The following DAB1 variants were observed in gnomAD, a reference collection of about 807,000 sequenced individuals.
DAB1 encodes the protein DAB adaptor protein 1.
In DAB1, 15 loss-of-function variants were observed where a neutral mutation model predicts 64.6. The observed-to-expected ratio is 0.23, with a 90% CI of 0.16 to 0.36. DAB1 has a LOEUF of 0.36. DAB1 is among the 10% of genes least tolerant of loss of function. DAB1 has a pLI of 1.00. For missense variants in DAB1, 596 were observed against 706.7 expected, an observed-to-expected ratio of 0.84 and a Z score of 1.78; for synonymous variants, 235 against 251.9, an observed-to-expected ratio of 0.93 and a Z score of 0.64.
Position 57,165,032 on chromosome 1 carries a change from A to T in DAB1, c.68-19603T>A, listed in dbSNP as rs1054006355. On this transcript the variant is annotated intron_variant, in intron 2 of 14. Coordinates refer to ENST00000371236, the MANE Select transcript of DAB1 (RefSeq NM_001365792.1). ...CCCCAGGGACCCTTGGTTTACCCTA[A>T]TTCTCCCTCCTTAGCTTTCCAACTG... Among the ~76,000 whole-genome samples the T allele has an allele frequency of 2.0e-5, 3 of 152,148 alleles. No individual in the cohort carries two copies. In the East Asian group the frequency reaches 5.8e-4, roughly 29 times the overall value.
chr1:58,225,170 G>A (rs902793862), intron 4 of DAB1, among the ~76,000 whole-genome samples: 11 of 151,590 alleles, frequency 7.3e-5, no homozygotes, highest in Admixed American at 2.6e-4. Context: ...CAGACACTTC[G>A]CAAAAGAAGA....
At chr1:57,015,560 G>A (rs1646403039) in intron 11 of DAB1, 129 bp from the exon 12 acceptor site, 2 of 819,294 alleles carry the variant, frequency 2.4e-6, no homozygotes. Context: ...CAGGGACTGG[G>A]GATGCCAAGA....
rs114125494 is a variant in DAB1 at position 58,179,403 on chromosome 1, C to T, written n.310-28815G>A. Among the ~76,000 whole-genome samples, 561 of 152,194 alleles carry T rather than the reference C, an allele frequency of 3.7e-3. 4 individuals carry two copies. The highest frequency in any genetic ancestry group is 0.012 in the African/African-American group (517 of 41,554). ...TTCTATATTTTGGAAGAGTTTGCAA[C>T]GGATTGGCATTAATTCTTTTTTAAA... On this transcript the variant is annotated intron_variant and non_coding_transcript_variant, in intron 4 of 20. Transcript: ENST00000485760.
intron 3 of DAB1, among the ~76,000 whole-genome samples, chr1:58,489,168 C>T (rs868691347): frequency 5.9e-5 from 9 of 152,172 alleles, no homozygotes; most frequent in African/African-American, 1.9e-4. Flanking sequence ...GGAAGTGCAA[C>T]GGGTCAGGGA....
chr1:57,484,898 C>T (rs573836808), intron 7 of DAB1, among the ~76,000 whole-genome samples: 27 of 152,222 alleles, frequency 1.8e-4, no homozygotes, highest in Non-Finnish European at 2.8e-4. Context: ...GCCTCAAAAA[C>T]GTTTTAACAT....
intron 9 of DAB1, among the ~76,000 whole-genome samples, chr1:57,047,462 T>C (rs1648656002): frequency 6.6e-6 from 1 of 152,078 alleles, no homozygotes; most frequent in Non-Finnish European, 1.5e-5. Context: ...AGTGGCCTTA[T>C]AAGAAGGGGA....
chr1:57,472,082 A>T (rs1189225168), intron 7 of DAB1, among the ~76,000 whole-genome samples: 5 of 152,260 alleles, frequency 3.3e-5, no homozygotes, highest in Non-Finnish European at 5.9e-5. Flanking sequence ...AATGAGAAAA[A>T]TAAAGCTCAG....
intron 4 of DAB1, among the ~76,000 whole-genome samples, chr1:58,180,032 T>G (rs977537565): frequency 6.6e-6 from 1 of 152,042 alleles, no homozygotes; most frequent in African/African-American, 2.4e-5. Flanking sequence ...ATAAGTAATC[T>G]AGAGATGGGT....
At chr1:57,654,554 G>A (rs1261157369) in intron 6 of DAB1, among the ~76,000 whole-genome samples, 1 of 152,120 alleles carries the variant, frequency 6.6e-6, no homozygotes, top group East Asian at 1.9e-4. Context: ...TCTTATGTGG[G>A]TATATATGTT....
intron 4 of DAB1, among the ~76,000 whole-genome samples, chr1:58,231,310 C>G (rs1659765095): frequency 6.6e-6 from 1 of 152,174 alleles, no homozygotes; most frequent in Non-Finnish European, 1.5e-5. Flanking sequence ...TAATTTTAAG[C>G]TTATTACCCA....
At chr1:57,751,600 G>A (rs1024122323) in intron 6 of DAB1, among the ~76,000 whole-genome samples, 1 of 152,036 alleles carries the variant, frequency 6.6e-6, no homozygotes, top group Non-Finnish European at 1.5e-5. Flanking sequence ...GAAGATTAGG[G>A]TGAGGATGGA....
chr1:57,975,212 C>T (rs1645891275), intron 5 of DAB1, among the ~76,000 whole-genome samples: 1 of 152,132 alleles, frequency 6.6e-6, no homozygotes, highest in African/African-American at 2.4e-5. Flanking sequence ...CTAGATGTGC[C>T]AGCACCTTGA....
intron 1 of DAB1, among the ~76,000 whole-genome samples, chr1:57,878,973 G>A (rs1274465196): frequency 6.6e-6 from 1 of 152,088 alleles, no homozygotes; most frequent in East Asian, 1.9e-4. Flanking sequence ...ATGTCCTCCA[G>A]GCGTATCCAT....
At chr1:57,903,771 A>C (rs1188978251) in intron 5 of DAB1, among the ~76,000 whole-genome samples, 1 of 152,196 alleles carries the variant, frequency 6.6e-6, no homozygotes, top group Non-Finnish European at 1.5e-5. Flanking sequence ...AATACAGCTC[A>C]GAAGGATGGT....
At chr1:58,388,907 A>C (rs1036037393) in intron 3 of DAB1, among the ~76,000 whole-genome samples, 1 of 152,222 alleles carries the variant, frequency 6.6e-6, no homozygotes, top group South Asian at 2.1e-4. Context: ...CTAGCTGTGT[A>C]ATCTTAAATA....
At chr1:57,551,268 C>CATCCCATTTTT (rs1221708500) in intron 7 of DAB1, among the ~76,000 whole-genome samples, 5 of 152,190 alleles carry the variant, frequency 3.3e-5, no homozygotes, top group Admixed American at 1.3e-4. Flanking sequence ...TTGTAGGGAA[C>CATCCCATTTTT]ATCCCATTCT....
At chr1:58,069,229 T>A (rs1649071240) in intron 5 of DAB1, among the ~76,000 whole-genome samples, 1 of 152,166 alleles carries the variant, frequency 6.6e-6, no homozygotes, top group South Asian at 2.1e-4. Flanking sequence ...CTTACATCTA[T>A]TGCCTGCTTA....
At chr1:58,171,266 C>T (rs1656160915) in intron 4 of DAB1, among the ~76,000 whole-genome samples, 1 of 152,146 alleles carries the variant, frequency 6.6e-6, no homozygotes, top group South Asian at 2.1e-4. Context: ...CCGCCCAGTC[C>T]AAATCAGGCT....
At chr1:58,459,663 T>C (rs889908354) in intron 3 of DAB1, among the ~76,000 whole-genome samples, 4 of 152,258 alleles carry the variant, frequency 2.6e-5, no homozygotes, top group African/African-American at 9.6e-5. Flanking sequence ...CTATCATTAA[T>C]ACTTTATTCT....
Sources: gnomAD v4.1 joint callset for allele counts (sites outside exome capture counted in the v4.1 genomes callset) on GRCh38, gnomAD v4.1.1 for gene constraint, MANE v1.5 for transcripts, NCBI Gene and HGNC (gene_info 2026-07-23, HGNC 2026-07-21) for gene names.